SMPDL3B: variants seen among roughly 807,000 people sequenced by gnomAD.
SMPDL3B encodes the protein acid sphingomyelinase-like phosphodiesterase 3b.
Under a neutral mutation model 37.9 loss-of-function variants are expected in SMPDL3B, and 31 were observed. That is an observed-to-expected ratio of 0.82 (90% confidence interval 0.61 to 1.10). The LOEUF is 1.10. SMPDL3B is among the 50% of genes least tolerant of loss of function. SMPDL3B has a pLI of 0.00. For missense variants in SMPDL3B, 525 were observed against 597.8 expected, an observed-to-expected ratio of 0.88 and a Z score of 1.27; for synonymous variants, 235 against 242.6, an observed-to-expected ratio of 0.97 and a Z score of 0.29.
At position 27,958,597 on chromosome 1, in the gene SMPDL3B, A is replaced by C. The variant is rs750075155; in HGVS notation, c.1127A>C (p.His376Pro). The C allele has an allele frequency of 4.3e-6, 7 of 1,613,964 alleles. No individual in the cohort carries two copies. In the Admixed American group the frequency reaches 1.0e-4, roughly 23 times the overall value. The change falls in exon 8 of 8, where the codon CAC (histidine) becomes CCC (proline). Residue 376 changes from histidine (H) to proline (P), a missense_variant. Transcript: ENST00000373894. The surrounding 1 kb of genome is among the most constrained non-coding windows in gnomAD (Gnocchi z 5.6). ...GVPDASAHSMHTVLDRIAGDQ... is the reference protein window; with the variant it reads ...GVPDASAHSMPTVLDRIAGDQ... ...CCGGACGCCAGCGCCCACTCCATGC[A>C]CACAGTGCTGGACCGCATCGCTGGC...
chr1:27,940,161 G>T (rs949831843), intron 1 of SMPDL3B, among the ~76,000 whole-genome samples: 26 of 152,112 alleles, frequency 1.7e-4, no homozygotes, highest in Non-Finnish European at 3.2e-4. Context: ...GGAGGAGGCG[G>T]GCCAGGACAC....
intron 2 of SMPDL3B, among the ~76,000 whole-genome samples, chr1:27,947,404 A>G (rs1382229056): frequency 6.6e-6 from 1 of 151,912 alleles, no homozygotes; most frequent in Non-Finnish European, 1.5e-5. Context: ...AGATGAGAAG[A>G]TCTCTAGGAC....
Position 27,949,090 on chromosome 1 carries a change from G to A in SMPDL3B, c.301G>A (p.Glu101Lys), listed in dbSNP as rs140362851. 3.4e-5 allele frequency: 55 copies of A among 1,614,226 alleles called. No individual in the cohort carries two copies. The African/African-American group carries it at 6.5e-4, about 19-fold the overall frequency. The change falls in exon 3 of 8, where the codon GAG becomes AAG. Residue 101 changes from glutamate to lysine, a missense_variant. Coordinates refer to ENST00000373894, the MANE Select transcript of SMPDL3B (RefSeq NM_014474.4). ...TGDDTPHVPDEKLGEAAVLEI... is the reference protein window; with the variant it reads ...TGDDTPHVPDKKLGEAAVLEI... ...TGATGACACGCCTCATGTGCCCGAT[G>A]AGAAACTGGGAGAGGCAGCTGTACT...
chr1:27,955,538 G>C, intron 5 of SMPDL3B, 146 bp from the exon 6 acceptor site: 1 of 750,042 alleles, frequency 1.3e-6, no homozygotes, highest in Non-Finnish European at 2.3e-6. Context: ...GGAGAAAGTG[G>C]GACATGGAAT....
chr1:27,937,804 G>A (rs2090322628), intron 1 of SMPDL3B, among the ~76,000 whole-genome samples: 1 of 152,150 alleles, frequency 6.6e-6, no homozygotes, highest in Admixed American at 6.5e-5. Flanking sequence ...GGCAGGAGGT[G>A]GGACTGGACT....
chr1:27,944,412 T>A (rs1377601549), intron 1 of SMPDL3B, among the ~76,000 whole-genome samples: 1 of 152,112 alleles, frequency 6.6e-6, no homozygotes, highest in African/African-American at 2.4e-5. Context: ...TGCAGTGCAG[T>A]GGCATGATCA....
chr1:27,950,814 G>T (rs1352070530), intron 3 of SMPDL3B, among the ~76,000 whole-genome samples: 1 of 152,302 alleles, frequency 6.6e-6, no homozygotes, highest in East Asian at 1.9e-4. Flanking sequence ...ATTTTTGGTA[G>T]AGATGGCATT....
chr1:27,936,561 G>A (rs992481288), intron 1 of SMPDL3B: 2 of 152,200 alleles, frequency 1.3e-5, no homozygotes, highest in African/African-American at 4.8e-5. Context: ...TCTCAGAGGG[G>A]ACATTGCACT....
In SMPDL3B at chr1:27,945,162, C is replaced by G; in HGVS notation, c.62-70C>G. 2 of 1,478,686 alleles carry G rather than the reference C, an allele frequency of 1.4e-6. No individual in the cohort carries two copies. The highest frequency in any genetic ancestry group is 1.9e-4 in the Middle Eastern group (1 of 5,210). The allele number at this position is 1,478,686 out of a possible 1,614,324, so 91.6% of individuals were successfully genotyped here. A position where few individuals can be genotyped will look rare whatever the true frequency, so the allele number is the denominator to read the frequency against. On this transcript the variant is annotated intron_variant, in intron 1 of 7. Coordinates refer to ENST00000373894, the MANE Select transcript of SMPDL3B (RefSeq NM_014474.4). This position sits in a 1 kb window ranked among gnomAD's most constrained non-coding sequence, Gnocchi z 4.0. Reference sequence around the variant, plus strand: ...AACGCCCCTGCCCCAGCCCAGGGCTCCCCTGGACTTCCTTGCTTCCAGGCT... The same window carrying G: ...AACGCCCCTGCCCCAGCCCAGGGCTGCCCTGGACTTCCTTGCTTCCAGGCT...
At chr1:27,944,725 T>G (rs926977103) in intron 1 of SMPDL3B, among the ~76,000 whole-genome samples, 1 of 150,186 alleles carries the variant, frequency 6.7e-6, no homozygotes, top group Admixed American at 6.6e-5. Context: ...CAGGTCAGAC[T>G]TTTTTCTTTT....
intron 1 of SMPDL3B, among the ~76,000 whole-genome samples, chr1:27,938,116 GAGCAGTCATGGA>G (rs1158305357): frequency 6.6e-6 from 1 of 152,164 alleles, no homozygotes; most frequent in Non-Finnish European, 1.5e-5. Flanking sequence ...TGCTCTGCAG[GAGCAGTCATGGA>G]GCTGTACATC....
intron 7 of SMPDL3B, among the ~76,000 whole-genome samples, chr1:27,956,873 C>G (rs180697808): frequency 2.4e-4 from 36 of 151,932 alleles, no homozygotes; most frequent in African/African-American, 8.7e-4. Context: ...GGGGAAGTGT[C>G]CACATAAGGT....
At chr1:27,942,157 G>C (rs144640008) in intron 1 of SMPDL3B, 214 of 380,046 alleles carry the variant, frequency 5.6e-4, no homozygotes, top group African/African-American at 4.2e-3. Context: ...CTGGAGTGGA[G>C]AAATGTTCCT....
intron 4 of SMPDL3B, among the ~76,000 whole-genome samples, chr1:27,954,010 A>G (rs190795336): frequency 2.0e-5 from 3 of 152,362 alleles, no homozygotes; most frequent in East Asian, 1.9e-4. Context: ...TAGTCCACAT[A>G]GATCAGCTCT....
At chr1:27,940,350 C>T (rs923973116) in intron 1 of SMPDL3B, among the ~76,000 whole-genome samples, 3 of 152,174 alleles carry the variant, frequency 2.0e-5, no homozygotes, top group Non-Finnish European at 4.4e-5. Flanking sequence ...TAGAACGTGG[C>T]CACTCCCCAC....
intron 1 of SMPDL3B, among the ~76,000 whole-genome samples, chr1:27,938,211 C>T (rs1466310359): frequency 6.6e-6 from 1 of 152,196 alleles, no homozygotes; most frequent in East Asian, 1.9e-4. Context: ...AGCCAAGAAC[C>T]CTCATGGGCT....
At chr1:27,953,040 G>A (rs2090466881) in intron 3 of SMPDL3B, among the ~76,000 whole-genome samples, 175 bp from the exon 4 acceptor site, 1 of 152,148 alleles carries the variant, frequency 6.6e-6, no homozygotes, top group African/African-American at 2.4e-5. Context: ...TCCCTCCAAA[G>A]TCTAAGCAAA....
intron 1 of SMPDL3B, 47 bp downstream of exon 1, chr1:27,935,291 C>T (rs1228771424): frequency 7.0e-7 from 1 of 1,434,904 alleles, no homozygotes; most frequent in East Asian, 2.3e-5. Flanking sequence ...GTACTGTGAA[C>T]TCTGGGGCTG....
chr1:27,945,153 C>A lies in SMPDL3B; in HGVS notation c.62-79C>A. The A allele has an allele frequency of 7.1e-7, 1 of 1,413,976 alleles. No homozygotes were observed. The highest frequency in any genetic ancestry group is 9.9e-7 in the Non-Finnish European group (1 of 1,005,480). The allele number at this position is 1,413,976 out of a possible 1,614,324, so 87.6% of individuals were successfully genotyped here. A position where few individuals can be genotyped will look rare whatever the true frequency, so the allele number is the denominator to read the frequency against. On this transcript the variant is annotated intron_variant, in intron 1 of 7. Coordinates refer to ENST00000373894, the MANE Select transcript of SMPDL3B (RefSeq NM_014474.4). The surrounding 1 kb of genome is among the most constrained non-coding windows in gnomAD (Gnocchi z 4.0). ...TGCCTGTGTAACGCCCCTGCCCCAG[C>A]CCAGGGCTCCCCTGGACTTCCTTGC...
Sources: allele counts gnomAD v4.1 joint callset (sites outside exome capture counted in the v4.1 genomes callset), GRCh38; gene constraint gnomAD v4.1.1; non-coding constraint Gnocchi (gnomAD v3.1); transcripts MANE v1.5; gene names NCBI Gene and HGNC (gene_info 2026-07-23, HGNC 2026-07-21).